The following SMARCA2 variants were observed in gnomAD, a reference collection of about 807,000 sequenced individuals.
The protein encoded by SMARCA2 is SWI/SNF related BAF chromatin remodeling complex subunit ATPase 2.
SMARCA2 carries 61 observed loss-of-function variants against 199.8 expected under a neutral mutation model. That is an observed-to-expected ratio of 0.31 (90% CI 0.25 to 0.38). The LOEUF (loss-of-function observed/expected upper bound fraction) is 0.38. Ranked by LOEUF, SMARCA2 falls within the 10% of genes least tolerant of loss-of-function variation. The pLI, the probability that SMARCA2 is intolerant of heterozygous loss-of-function variation, is 1.00. For synonymous variants in SMARCA2, 935 were observed against 732.0 expected, an observed-to-expected ratio of 1.28 and a Z score of -4.48; for missense variants, 1,344 against 2,012.2, an observed-to-expected ratio of 0.67 and a Z score of 6.35.
chr9:2,052,587 A>G (rs1820171566), intron 5 of SMARCA2, among the ~76,000 whole-genome samples: 1 of 152,262 alleles, frequency 6.6e-6, no homozygotes, highest in African/African-American at 2.4e-5. Context: ...TATAGCAAAT[A>G]AAACAAGAAT....
intron 27 of SMARCA2, among the ~76,000 whole-genome samples, chr9:2,133,809 A>G (rs117704343): frequency 0.025 from 3,743 of 152,274 alleles, 92 homozygotes; most frequent in Non-Finnish European, 0.032. Flanking sequence ...TCGGGTGAGC[A>G]TCAGAAAAAT....
rs1337208705 is a variant in SMARCA2, at chr9:2,119,712, C to G, written c.3762+177C>G. On this transcript the variant is annotated intron_variant, in intron 26 of 33. Coordinates refer to ENST00000349721, the MANE Select transcript of SMARCA2 (RefSeq NM_003070.5). The surrounding 1 kb of genome is among the most constrained non-coding windows in gnomAD (Gnocchi z 4.6). Reference sequence around the variant, plus strand: ...TAGCCTGCAGACATATTTTGTTTGGCCCACGCAGCGTTTTTTAAAATTTCC... The same window carrying G: ...TAGCCTGCAGACATATTTTGTTTGGGCCACGCAGCGTTTTTTAAAATTTCC... Among the ~76,000 whole-genome samples, 1 of 152,154 alleles carries G rather than the reference C, an allele frequency of 6.6e-6. No individual in the cohort carries two copies. The highest frequency in any genetic ancestry group is 2.4e-5 in the African/African-American group (1 of 41,436).
At chr9:2,121,054 T>A (rs1823438440) in intron 26 of SMARCA2, among the ~76,000 whole-genome samples, 4 of 152,204 alleles carry the variant, frequency 2.6e-5, no homozygotes, top group Admixed American at 1.3e-4. Context: ...TAGGCAATAA[T>A]TCAGCACTGC....
chr9:2,177,316 T>C (rs1313169079), intron 29 of SMARCA2, among the ~76,000 whole-genome samples: 1 of 152,244 alleles, frequency 6.6e-6, no homozygotes, highest in African/African-American at 2.4e-5. Context: ...TTCTAAATCA[T>C]GACATCATTT....
chr9:2,172,130 A>C (rs1456871227), intron 29 of SMARCA2, among the ~76,000 whole-genome samples: 2 of 152,114 alleles, frequency 1.3e-5, no homozygotes, highest in African/African-American at 4.8e-5. Context: ...AGCTGACAAC[A>C]TGGTGTTTGG....
chr9:2,070,368 G>A, intron 9 of SMARCA2, 50 bp from the exon 10 acceptor site: 1 of 1,495,210 alleles, frequency 6.7e-7, no homozygotes, highest in African/African-American at 1.4e-5. Context: ...AGGAAGTCCT[G>A]TACCCCATCA....
At chr9:2,019,559 A>C (rs2130122523) in intron 1 of SMARCA2, among the ~76,000 whole-genome samples, 1 of 151,778 alleles carries the variant, frequency 6.6e-6, no homozygotes, top group Non-Finnish European at 1.5e-5. Flanking sequence ...ATTCTATTTA[A>C]AGTATTCCTG....
At position 2,046,305 on chromosome 9, in the gene SMARCA2, T is replaced by G. The variant is rs567852937; in HGVS notation, c.791-924T>G. Among the ~76,000 whole-genome samples the G allele has an allele frequency of 2.6e-5, 4 of 152,318 alleles. No individual in the cohort carries two copies. In the South Asian group the frequency reaches 8.3e-4, roughly 32 times the overall value. Reference sequence around the variant, plus strand: ...TAGTAATTAACTTAAACTCCTGAAGTTCAATGCGGAAAATTATTTTAAATT... The same window carrying G: ...TAGTAATTAACTTAAACTCCTGAAGGTCAATGCGGAAAATTATTTTAAATT... On this transcript the variant is annotated intron_variant, in intron 4 of 33. Transcript: ENST00000349721.
At chr9:2,140,958 C>G (rs996480823) in intron 27 of SMARCA2, among the ~76,000 whole-genome samples, 2 of 152,152 alleles carry the variant, frequency 1.3e-5, no homozygotes, top group African/African-American at 4.8e-5. Context: ...TGCATTCTCA[C>G]ACTGGCGCAG....
Position 2,104,255 on chromosome 9 carries a change from G to A in SMARCA2, c.3292+86G>A. ...ACTTAGGTCCAATCTCAGCCAAAAA[G>A]AAGGGGTAAAATTGAAGAATTGACT... On this transcript the variant is annotated intron_variant, in intron 23 of 33. Transcript: ENST00000349721. The surrounding 1 kb of genome is among the most constrained non-coding windows in gnomAD (Gnocchi z 4.0). 8.0e-7 allele frequency: 1 copy of A among 1,249,746 alleles called. No homozygotes were observed. The highest frequency in any genetic ancestry group is 1.1e-6 in the Non-Finnish European group (1 of 890,498). The allele number at this position is 1,249,746 out of a possible 1,614,324, so 77.4% of individuals were successfully genotyped here. A position where few individuals can be genotyped will look rare whatever the true frequency, so the allele number is the denominator to read the frequency against.
intron 9 of SMARCA2, among the ~76,000 whole-genome samples, chr9:2,064,200 A>G (rs1293168443): frequency 6.6e-6 from 1 of 152,228 alleles, no homozygotes; most frequent in Non-Finnish European, 1.5e-5. Context: ...AGAAAATTGG[A>G]CCACTGTCTG....
chr9:2,039,370 C>T lies in SMARCA2; in HGVS notation c.356-96C>T, dbSNP rs1819477124. 4 of 1,147,570 alleles carry T rather than the reference C, an allele frequency of 3.5e-6. No individual in the cohort carries two copies. The highest frequency in any genetic ancestry group is 5.0e-6 in the Non-Finnish European group (4 of 805,314). 71.1% of individuals were successfully genotyped at this position (1,147,570 alleles called of 1,614,324 possible). A position where few individuals can be genotyped will look rare whatever the true frequency, so the allele number is the denominator to read the frequency against. Reference sequence around the variant, plus strand: ...ATATGTCATTCAAATTTCTGTCAGACAGTGTTGCTGTGGACAATTATTAGA... The same window carrying T: ...ATATGTCATTCAAATTTCTGTCAGATAGTGTTGCTGTGGACAATTATTAGA... On this transcript the variant is annotated intron_variant, in intron 3 of 33. Transcript: ENST00000349721. This position sits in a 1 kb window ranked among gnomAD's most constrained non-coding sequence, Gnocchi z 4.8.
At chr9:2,033,433 C>T (rs1321490064) in intron 3 of SMARCA2, among the ~76,000 whole-genome samples, 1 of 152,156 alleles carries the variant, frequency 6.6e-6, no homozygotes, top group Non-Finnish European at 1.5e-5. Flanking sequence ...CTTTGTTTTG[C>T]TAAGTTTACA....
intron 27 of SMARCA2, among the ~76,000 whole-genome samples, chr9:2,127,857 C>T (rs1823764563): frequency 6.6e-6 from 1 of 152,156 alleles, no homozygotes; most frequent in Non-Finnish European, 1.5e-5. Context: ...CTAAAAATTC[C>T]TACAGTGTCC....
chr9:2,056,987 A>G lies in SMARCA2; in HGVS notation c.1347+142A>G. 4.3e-6 allele frequency: 3 copies of G among 697,804 alleles called. No homozygotes were observed. Among genetic ancestry groups the G allele is most frequent in the Non-Finnish European group, 7.1e-6 (3 of 422,764 alleles). 43.2% of individuals were successfully genotyped at this position (697,804 alleles called of 1,614,324 possible). Reference sequence around the variant, plus strand: ...AACAGAACGGTTCCTTGACATGTACATAATCCAACCACATCATTTTATAGA... The same window carrying G: ...AACAGAACGGTTCCTTGACATGTACGTAATCCAACCACATCATTTTATAGA... On this transcript the variant is annotated intron_variant, in intron 7 of 33. Transcript: ENST00000349721. This position sits in a 1 kb window ranked among gnomAD's most constrained non-coding sequence, Gnocchi z 4.0.
At position 2,186,246 on chromosome 9, in the gene SMARCA2, G is replaced by A. The variant is rs1365626907; in HGVS notation, c.4594+18G>A. 1.2e-6 allele frequency: 2 copies of A among 1,608,436 alleles called. No individual in the cohort carries two copies. The highest frequency in any genetic ancestry group is 1.1e-5 in the South Asian group (1 of 90,636). ...GTCCGAGGGTAAGCCCAGACATTCG[G>A]GTCCTGTACATCTTTGCCCCTCCTC... On this transcript the variant is annotated intron_variant, in intron 32 of 33. Coordinates refer to ENST00000349721, the MANE Select transcript of SMARCA2 (RefSeq NM_003070.5).
intron 28 of SMARCA2, among the ~76,000 whole-genome samples, chr9:2,168,037 T>C (rs1184712944): frequency 3.3e-5 from 5 of 150,072 alleles, no homozygotes; most frequent in African/African-American, 9.8e-5. Context: ...CTTTTTCTTT[T>C]TTTTTTTTTT....
chr9:2,180,859 G>C (rs1027004775), intron 29 of SMARCA2, among the ~76,000 whole-genome samples: 3 of 152,180 alleles, frequency 2.0e-5, no homozygotes, highest in Non-Finnish European at 4.4e-5. Flanking sequence ...GGAGGGTACA[G>C]CACTAATCCC....
Position 2,186,142 on chromosome 9 carries a change from G to A in SMARCA2, c.4508G>A (p.Arg1503Gln), listed in dbSNP as rs763271526. 13 of 1,613,752 alleles carry A rather than the reference G, an allele frequency of 8.1e-6. No individual in the cohort carries two copies. Among genetic ancestry groups the A allele is most frequent in the East Asian group, 4.5e-5 (2 of 44,882 alleles). The change falls in exon 32 of 34, where the codon CGG becomes CAG. Residue 1503 changes from arginine to glutamine, a missense_variant. This residue lies in a region of SMARCA2 where 155 missense variants were observed against 121.1 expected (regional missense o/e 1.28). Coordinates refer to ENST00000349721, the MANE Select transcript of SMARCA2 (RefSeq NM_003070.5). Reference protein sequence around the residue: ...IVLQSVFKSARQKIAKEEESE... With the variant: ...IVLQSVFKSAQQKIAKEEESE... ...TTACAGTCAGTGTTTAAGAGTGCCC[G>A]GCAGAAAATTGCCAAAGAGGAAGAG...
Sources: allele counts gnomAD v4.1 joint callset (sites outside exome capture counted in the v4.1 genomes callset), GRCh38; gene constraint gnomAD v4.1.1; regional missense constraint gnomAD v4.1.1; non-coding constraint Gnocchi (gnomAD v3.1); transcripts MANE v1.5; gene names NCBI Gene and HGNC (gene_info 2026-07-23, HGNC 2026-07-21).